Variants in CCBE1 observed in about 807,000 individuals in gnomAD.
CCBE1 encodes collagen and calcium binding EGF domains 1, also known as collagen and calcium-binding EGF domain-containing protein 1.
CCBE1 carries 37 observed loss-of-function variants against 50.0 expected under a neutral mutation model. That is an observed-to-expected ratio of 0.74 (90% CI 0.57 to 0.97). CCBE1 has a LOEUF of 0.97. Among genes scored for constraint, CCBE1 ranks in the 50% least tolerant of loss-of-function variants. The probability of loss-of-function intolerance (pLI) is 0.00; values close to 1 mark genes in which losing one functional copy is unlikely to be tolerated. For synonymous variants in CCBE1, 234 were observed against 203.7 expected, an observed-to-expected ratio of 1.15 and a Z score of -1.27; for missense variants, 538 against 523.8, an observed-to-expected ratio of 1.03 and a Z score of -0.26.
At chr18:59,684,500 C>T (rs571537113) in intron 2 of CCBE1, among the ~76,000 whole-genome samples, 15 of 152,284 alleles carry the variant, frequency 9.9e-5, no homozygotes, top group African/African-American at 3.6e-4. Context: ...GGTTGCCACG[C>T]TCAAACTAGC....
chr18:59,661,080 C>T (rs1186771259), intron 2 of CCBE1, among the ~76,000 whole-genome samples: 1 of 151,846 alleles, frequency 6.6e-6, no homozygotes, highest in Non-Finnish European at 1.5e-5. Flanking sequence ...GATAGTCCAA[C>T]AATATAGAGC....
chr18:59,454,535 C>T (rs1438873381), intron 6 of CCBE1, among the ~76,000 whole-genome samples: 2 of 152,118 alleles, frequency 1.3e-5, no homozygotes, highest in Non-Finnish European at 2.9e-5. Flanking sequence ...CGTGAGTCAC[C>T]GCACCCGGCT....
At chr18:59,564,356 T>C (rs904047096) in intron 2 of CCBE1, among the ~76,000 whole-genome samples, 1 of 152,192 alleles carries the variant, frequency 6.6e-6, no homozygotes, top group Non-Finnish European at 1.5e-5. Context: ...GATCACAAAA[T>C]GAGATACTAT....
chr18:59,516,476 G>A (rs958763911), intron 2 of CCBE1, among the ~76,000 whole-genome samples: 5 of 152,186 alleles, frequency 3.3e-5, no homozygotes, highest in African/African-American at 1.2e-4. Flanking sequence ...AGCTGCCAGT[G>A]TTTGTTGTTG....
At chr18:59,582,336 C>A (rs11872447) in intron 2 of CCBE1, among the ~76,000 whole-genome samples, 3,796 of 152,276 alleles carry the variant, frequency 0.025, 168 homozygotes, top group African/African-American at 0.087. Flanking sequence ...CCACTGATTT[C>A]TTCTAGGGTC....
intron 2 of CCBE1, chr18:59,563,876 G>A (rs1027464789): frequency 9.2e-5 from 14 of 152,194 alleles, no homozygotes; most frequent in East Asian, 3.8e-4. Flanking sequence ...GGCAGGGAAC[G>A]TGATGAACAG....
At chr18:59,675,224 T>C (rs1373948399) in intron 2 of CCBE1, among the ~76,000 whole-genome samples, 3 of 152,214 alleles carry the variant, frequency 2.0e-5, no homozygotes, top group Non-Finnish European at 2.9e-5. Context: ...TCACTGCCAA[T>C]GGTGTTCTCT....
chr18:59,598,667 T>C, intron 2 of CCBE1, among the ~76,000 whole-genome samples: 1 of 152,196 alleles, frequency 6.6e-6, no homozygotes, highest in Non-Finnish European at 1.5e-5. Flanking sequence ...GGTGTGGCCC[T>C]AACTCCTGTA....
Position 59,438,356 on chromosome 18 carries a change from G to C in CCBE1, c.952-210C>G, listed in dbSNP as rs112514734. 7.6e-3 allele frequency among the ~76,000 whole-genome samples: 1,156 copies of C among 152,248 alleles called. 9 individuals are homozygous for C. Among genetic ancestry groups the C allele is most frequent in the Non-Finnish European group, 0.01 (683 of 68,026 alleles). On this transcript the variant is annotated intron_variant, in intron 9 of 10. Coordinates refer to ENST00000439986, the MANE Select transcript of CCBE1 (RefSeq NM_133459.4). ...TGTCTCTCATTCTGATTTCCCTCAA[G>C]CCCATCTATTTTCAAACCTTCTTGG...
chr18:59,521,560 T>C (rs530736592), intron 2 of CCBE1, among the ~76,000 whole-genome samples: 1 of 152,214 alleles, frequency 6.6e-6, no homozygotes, highest in Non-Finnish European at 1.5e-5. Flanking sequence ...CTGTTCCCTC[T>C]TCCCACCCAC....
At chr18:59,643,392 G>C (rs1266501152) in intron 2 of CCBE1, among the ~76,000 whole-genome samples, 1 of 152,180 alleles carries the variant, frequency 6.6e-6, no homozygotes, top group Non-Finnish European at 1.5e-5. Flanking sequence ...TGTTTTGGAA[G>C]TTTAAACCTC....
chr18:59,587,671 C>T (rs1040254343), intron 2 of CCBE1, among the ~76,000 whole-genome samples: 2 of 152,122 alleles, frequency 1.3e-5, no homozygotes, highest in Non-Finnish European at 2.9e-5. Flanking sequence ...TCTATCGCCA[C>T]TCCTATTCAG....
chr18:59,550,937 G>A lies in CCBE1; in HGVS notation c.213-70699C>T, dbSNP rs62092908. Among the ~76,000 whole-genome samples, 848 of 141,276 alleles carry A rather than the reference G, an allele frequency of 6.0e-3. 8 individuals carry two copies. The highest frequency in any genetic ancestry group is 0.021 in the African/African-American group (798 of 37,872). The allele number at this position is 141,276 out of a possible 152,430, so 92.7% of individuals were successfully genotyped here. ...GGAGAATGGCATGAACCCAGGAGGC[G>A]GAGCTTGCACTGAGCTGAGATCGCG... On this transcript the variant is annotated intron_variant, in intron 2 of 10. Transcript: ENST00000439986.
At chr18:59,574,830 G>A (rs1025106433) in intron 2 of CCBE1, among the ~76,000 whole-genome samples, 1 of 152,116 alleles carries the variant, frequency 6.6e-6, no homozygotes, top group African/African-American at 2.4e-5. Context: ...CTCCATTATG[G>A]GTTGAATCGT....
chr18:59,567,907 C>T (rs996132075), intron 2 of CCBE1, among the ~76,000 whole-genome samples: 4 of 152,198 alleles, frequency 2.6e-5, no homozygotes, highest in African/African-American at 9.7e-5. Flanking sequence ...CATCCCTTTC[C>T]TAATGCTATT....
Position 59,696,626 on chromosome 18 carries a change from T to G in CCBE1, c.212+3A>C. 1 of 1,613,902 alleles carries G rather than the reference T, an allele frequency of 6.2e-7. No homozygotes were observed. Among genetic ancestry groups the G allele is most frequent in the Non-Finnish European group, 8.5e-7 (1 of 1,179,930 alleles). On this transcript the variant is annotated splice_donor_region_variant and intron_variant, in intron 2 of 10. Coordinates refer to ENST00000439986, the MANE Select transcript of CCBE1 (RefSeq NM_133459.4). ...GAACAGCCCGCAGAGCCCCCAGGCT[T>G]ACCTGTAGCATGTGGTGAGCTCGCC...
intron 3 of CCBE1, among the ~76,000 whole-genome samples, chr18:59,478,424 C>A (rs1912413439): frequency 6.6e-6 from 1 of 152,158 alleles, no homozygotes; most frequent in Admixed American, 6.5e-5. Flanking sequence ...AAGAAACAAT[C>A]ATTGACTTTT....
intron 2 of CCBE1, among the ~76,000 whole-genome samples, chr18:59,694,520 T>C (rs915336945): frequency 8.5e-5 from 13 of 152,220 alleles, no homozygotes; most frequent in African/African-American, 3.1e-4. Flanking sequence ...ACTGGTTTCT[T>C]ACAGCAGTGC....
At chr18:59,447,898 A>G in intron 7 of CCBE1, 85 bp downstream of exon 7, 1 of 1,594,306 alleles carries the variant, frequency 6.3e-7, no homozygotes, top group Non-Finnish European at 8.6e-7. Flanking sequence ...AAGCTGGAGA[A>G]CATTGTCCAG....
Sources: allele counts gnomAD v4.1 joint callset (sites outside exome capture counted in the v4.1 genomes callset), GRCh38; gene constraint gnomAD v4.1.1; transcripts MANE v1.5; gene names NCBI Gene and HGNC (gene_info 2026-07-23, HGNC 2026-07-21).